Variants in AHRR observed in about 807,000 individuals in gnomAD.
AHRR encodes aryl hydrocarbon receptor repressor.
AHRR carries 28 observed loss-of-function variants against 44.0 expected under a neutral mutation model. The observed-to-expected ratio is 0.64, with a 90% CI of 0.47 to 0.87. AHRR has a LOEUF of 0.87. Among genes scored for constraint, AHRR ranks in the 40% least tolerant of loss-of-function variants. AHRR has a pLI of 0.00. For missense variants in AHRR, 990 were observed against 953.9 expected, an observed-to-expected ratio of 1.04 and a Z score of -0.50; for synonymous variants, 434 against 407.0, an observed-to-expected ratio of 1.07 and a Z score of -0.80.
intron 4 of AHRR, among the ~76,000 whole-genome samples, chr5:378,327 C>T (rs1277314740): frequency 6.6e-6 from 1 of 152,246 alleles, no homozygotes; most frequent in Non-Finnish European, 1.5e-5. Flanking sequence ...CTTCAGAGTG[C>T]TGTGGCCATG....
At chr5:375,675 G>GC (rs910536639) in intron 3 of AHRR, among the ~76,000 whole-genome samples, 5 of 152,276 alleles carry the variant, frequency 3.3e-5, no homozygotes, top group Admixed American at 1.3e-4. Context: ...AGCAGCAGAT[G>GC]CCCCCCCGGC....
chr5:355,604 G>C (rs546108563), intron 3 of AHRR, among the ~76,000 whole-genome samples: 2 of 152,340 alleles, frequency 1.3e-5, no homozygotes, highest in South Asian at 2.1e-4. Flanking sequence ...GCCAGGGCTT[G>C]ACGGCCTCAG....
chr5:332,534 G>A, intron 1 of AHRR, among the ~76,000 whole-genome samples: 1 of 152,084 alleles, frequency 6.6e-6, no homozygotes, highest in East Asian at 1.9e-4. Context: ...CCAAAGTGCT[G>A]GGATTACAGG....
intron 3 of AHRR, among the ~76,000 whole-genome samples, chr5:373,772 C>A (rs912562405): frequency 6.6e-6 from 1 of 151,426 alleles, no homozygotes; most frequent in Non-Finnish European, 1.5e-5. Flanking sequence ...AGCGCCCGCG[C>A]GGACCCCGAG....
chr5:359,827 A>C (rs1310391683), intron 3 of AHRR, among the ~76,000 whole-genome samples: 1 of 152,136 alleles, frequency 6.6e-6, no homozygotes, highest in Non-Finnish European at 1.5e-5. Context: ...CAGCGCCACG[A>C]GGTGTCCTGG....
chr5:354,787 C>T (rs2671916), intron 3 of AHRR, among the ~76,000 whole-genome samples: 106,715 of 152,130 alleles, frequency 0.7, 38,015 homozygotes, highest in African/African-American at 0.76. Context: ...GGGGGCCTCC[C>T]CTGGGCGGGG....
At chr5:422,966 AC>A (rs1349281221) in intron 6 of AHRR, 108 bp downstream of exon 6, 2 of 1,410,002 alleles carry the variant, frequency 1.4e-6, no homozygotes, top group Admixed American at 2.7e-5. Context: ...GCTTTGCCTT[AC>A]ACATTGACCT....
chr5:427,654 T>G (rs760651184), intron 7 of AHRR, 153 bp from the exon 8 acceptor site: 1 of 1,613,158 alleles, frequency 6.2e-7, no homozygotes, highest in Non-Finnish European at 8.5e-7. Context: ...GGTCACAGGC[T>G]TGGCAGCTGC....
Position 370,255 on chromosome 5 carries a change from C to T in AHRR, c.245-6355C>T, listed in dbSNP as rs1743527860. Among the ~76,000 whole-genome samples the T allele has an allele frequency of 6.6e-6, 1 of 151,986 alleles. No homozygotes were observed. The highest frequency in any genetic ancestry group is 2.1e-4 in the South Asian group (1 of 4,812). ...GTCCTCCCGGGCCCTCGCTGGTGCCCCGACCTCCTGGGCCCTCGCTGGAAG... is the reference window on the plus strand; with the variant it reads ...GTCCTCCCGGGCCCTCGCTGGTGCCTCGACCTCCTGGGCCCTCGCTGGAAG... On this transcript the variant is annotated intron_variant, in intron 3 of 10. Transcript: ENST00000684583. The surrounding 1 kb of genome is among the most constrained non-coding windows in gnomAD (Gnocchi z 4.5).
intron 5 of AHRR, chr5:420,999 C>A (rs1270028636): frequency 2.1e-6 from 1 of 470,616 alleles, no homozygotes; most frequent in African/African-American, 2.1e-5. Flanking sequence ...GATGGTTCTT[C>A]TTATGGTTCA....
At chr5:372,255 C>T (rs1743604532) in intron 3 of AHRR, among the ~76,000 whole-genome samples, 1 of 152,124 alleles carries the variant, frequency 6.6e-6, no homozygotes, top group South Asian at 2.1e-4. Flanking sequence ...CCTGACTGCA[C>T]AGAGGGGACT....
Position 342,537 on chromosome 5 carries a change from G to A in AHRR, c.-10-1356G>A, listed in dbSNP as rs1179035901. ...CTATCCATTTACTTTATCTACCTAA[G>A]TCTTTACAGTCCAAGTGGATCCATG... On this transcript the variant is annotated intron_variant, in intron 1 of 10. Transcript: ENST00000684583. This position sits in a 1 kb window ranked among gnomAD's most constrained non-coding sequence, Gnocchi z 4.3. Among the ~76,000 whole-genome samples, 1 of 152,140 alleles carries A rather than the reference G, an allele frequency of 6.6e-6. No homozygotes were observed. The highest frequency in any genetic ancestry group is 1.9e-4 in the East Asian group (1 of 5,198).
At chr5:376,839 T>G in intron 4 of AHRR, 123 bp downstream of exon 4, 1 of 852,502 alleles carries the variant, frequency 1.2e-6, no homozygotes, top group Non-Finnish European at 1.8e-6. Context: ...CCTTAGGTTG[T>G]GAGGTTTATA....
chr5:430,806 G>C (rs1237737321), intron 8 of AHRR, among the ~76,000 whole-genome samples: 1 of 152,198 alleles, frequency 6.6e-6, no homozygotes, highest in African/African-American at 2.4e-5. Flanking sequence ...GGACGGCCAG[G>C]ACACGGGTCA....
At chr5:379,342 G>A (rs1733884795) in intron 4 of AHRR, among the ~76,000 whole-genome samples, 1 of 152,150 alleles carries the variant, frequency 6.6e-6, no homozygotes, top group Non-Finnish European at 1.5e-5. Flanking sequence ...GGGATATTTG[G>A]GTTGTTTTTA....
At position 387,212 on chromosome 5, in the gene AHRR, A is replaced by C. The variant is rs1251565492; in HGVS notation, c.351+10496A>C. Among the ~76,000 whole-genome samples the C allele has an allele frequency of 6.6e-6, 1 of 152,216 alleles. No individual in the cohort carries two copies. Among genetic ancestry groups the C allele is most frequent in the Non-Finnish European group, 1.5e-5 (1 of 68,050 alleles). ...AGCCAGGACACGTGTCAGTTCGTAC[A>C]CAGAAGCGGGGTCCTGTCTCCTGCT... On this transcript the variant is annotated intron_variant, in intron 4 of 10. Transcript: ENST00000684583. The surrounding 1 kb of genome is among the most constrained non-coding windows in gnomAD (Gnocchi z 5.1).
At position 433,015 on chromosome 5, in the gene AHRR, G is replaced by A. The variant is rs549399418; in HGVS notation, c.1112+68G>A. The A allele has an allele frequency of 4.0e-4, 595 of 1,476,520 alleles. 2 individuals are homozygous for A. In the South Asian group the frequency reaches 6.9e-3, roughly 17 times the overall value. 91.5% of individuals were successfully genotyped at this position (1,476,520 alleles called of 1,614,324 possible). A position where few individuals can be genotyped will look rare whatever the true frequency, so the allele number is the denominator to read the frequency against. On this transcript the variant is annotated intron_variant, in intron 10 of 10. Transcript: ENST00000684583. ...TAAGTCACCGTGGAGGCCAAAGAGCGGGTGGGGGAGTGATTAAGAAGAAAA... is the reference window on the plus strand; with the variant it reads ...TAAGTCACCGTGGAGGCCAAAGAGCAGGTGGGGGAGTGATTAAGAAGAAAA...
At chr5:432,562 G>T (rs1736778914) in intron 9 of AHRR, 38 bp downstream of exon 9, 4 of 1,600,752 alleles carry the variant, frequency 2.5e-6, no homozygotes, top group African/African-American at 2.7e-5. Flanking sequence ...TTTCCACATG[G>T]GTAAAATGTG....
chr5:339,698 A>T (rs1381235489), intron 1 of AHRR, among the ~76,000 whole-genome samples: 2 of 152,258 alleles, frequency 1.3e-5, no homozygotes, highest in South Asian at 2.1e-4. Flanking sequence ...TATCACGTTA[A>T]TTAAGTTTCC....
Sources: gnomAD v4.1 joint callset for allele counts (sites outside exome capture counted in the v4.1 genomes callset) on GRCh38, gnomAD v4.1.1 for gene constraint, Gnocchi (gnomAD v3.1) non-coding constraint, MANE v1.5 for transcripts, NCBI Gene and HGNC (gene_info 2026-07-23, HGNC 2026-07-21) for gene names.